PLEKHA3: variants seen among roughly 807,000 people sequenced by gnomAD.
The protein encoded by PLEKHA3 is pleckstrin homology domain-containing family A member 3.
A neutral mutation model predicts 39.2 loss-of-function variants in PLEKHA3; 19 were observed. The observed-to-expected ratio is 0.48, with a 90% CI of 0.34 to 0.71. The LOEUF is 0.71. PLEKHA3 is among the 30% of genes least tolerant of loss of function. The probability of loss-of-function intolerance (pLI) is 0.01; values close to 1 mark genes in which losing one functional copy is unlikely to be tolerated. For missense variants in PLEKHA3, 253 were observed against 359.5 expected (o/e 0.70, Z 2.40); for synonymous variants, 97 against 118.6 (o/e 0.82, Z 1.18).
chr2:178,484,859 T>C lies in PLEKHA3; in HGVS notation c.41-782T>C, dbSNP rs146117490. On this transcript the variant is annotated intron_variant, in intron 1 of 7. Transcript: ENST00000234453. ...ATCATCCTTGTCGTCAGCTTTGGCA[T>C]GGAGCCAAGTCTGTGATAGATGTGA... is the stretch of plus-strand genomic sequence containing the variant. Among the ~76,000 whole-genome samples, 759 of 152,354 alleles carry C rather than the reference T, an allele frequency of 5.0e-3. 5 individuals carry two copies. The highest frequency in any genetic ancestry group is 7.6e-3 in the Non-Finnish European group (515 of 68,024).
chr2:178,499,018 G>C (rs957978366), intron 5 of PLEKHA3, among the ~76,000 whole-genome samples, 193 bp from the exon 6 acceptor site: 1 of 151,908 alleles, frequency 6.6e-6, no homozygotes, highest in East Asian at 1.9e-4. Flanking sequence ...TCCAATTAAT[G>C]GTTATTAGGG....
chr2:178,500,169 G>A (rs1306612505), intron 6 of PLEKHA3, among the ~76,000 whole-genome samples: 2 of 152,070 alleles, frequency 1.3e-5, no homozygotes, highest in African/African-American at 4.8e-5. Flanking sequence ...TCTTTGGAAA[G>A]TGATTTAATT....
chr2:178,489,964 A>G (rs544429141), intron 2 of PLEKHA3, among the ~76,000 whole-genome samples: 2 of 152,144 alleles, frequency 1.3e-5, no homozygotes, highest in Non-Finnish European at 2.9e-5. Context: ...CTTCTCTTCT[A>G]CTAGCACTGC....
At chr2:178,499,802 G>A (rs1331949500) in intron 6 of PLEKHA3, among the ~76,000 whole-genome samples, 1 of 152,150 alleles carries the variant, frequency 6.6e-6, no homozygotes, top group Non-Finnish European at 1.5e-5. Context: ...TTTGCACAGT[G>A]ACAGAATCAC....
rs986567025 is a variant in PLEKHA3 at position 178,493,955 on chromosome 2, A to G, written c.416A>G (p.His139Arg). The G allele has an allele frequency of 3.1e-6, 5 of 1,613,974 alleles. No individual in the cohort carries two copies. In the African/African-American group the frequency reaches 5.3e-5, roughly 17 times the overall value. Residue 139 changes from histidine to arginine, a missense_variant, in exon 4 of 8, where the codon CAC (histidine) becomes CGC (arginine). Transcript: ENST00000234453. ...QQVHTIQEFV[H>R]HDENHSSPSA... ...GTTCATACAATACAGGAATTTGTTC[A>G]CCATGATGAGAATCATTCATCTCCT...
rs1685650419 is a variant in PLEKHA3, at chr2:178,509,493, T to C, written c.*5606T>C. 1 of 151,844 alleles carries C rather than the reference T, an allele frequency of 6.6e-6. No homozygotes were observed. The highest frequency in any genetic ancestry group is 2.1e-4 in the South Asian group (1 of 4,816). The allele number at this position is 151,844 out of a possible 1,614,324, so 9.4% of individuals were successfully genotyped here. A position where few individuals can be genotyped will look rare whatever the true frequency, so the allele number is the denominator to read the frequency against. ...ACTACTATCAGTTTTTTTTTTTTTT[T>C]CTGAGACAGGGTCTCACTCTTTCAC... On this transcript the variant is annotated 3_prime_UTR_variant, in exon 8 of 8. Coordinates refer to ENST00000234453, the MANE Select transcript of PLEKHA3 (RefSeq NM_019091.4).
intron 3 of PLEKHA3, among the ~76,000 whole-genome samples, chr2:178,493,146 T>TC (rs1559384141): frequency 6.6e-6 from 1 of 152,202 alleles, no homozygotes; most frequent in Non-Finnish European, 1.5e-5. Context: ...AGCTTATACT[T>TC]CTAGTTTAAA....
Position 178,511,219 on chromosome 2 carries a change from T to C in PLEKHA3, c.*7332T>C, listed in dbSNP as rs1181440990. The C allele has an allele frequency of 6.6e-6, 1 of 152,182 alleles. No individual in the cohort carries two copies. Among genetic ancestry groups the C allele is most frequent in the Non-Finnish European group, 1.5e-5 (1 of 68,030 alleles). 9.4% of individuals were successfully genotyped at this position (152,182 alleles called of 1,614,324 possible). On this transcript the variant is annotated 3_prime_UTR_variant, in exon 8 of 8. Transcript: ENST00000234453. ...AGTAGAGTCCCATGGGCGTGGCAAA[T>C]GGCTGTAAATAAAGTAAAAGTGGCT...
In PLEKHA3 at chr2:178,511,165, G is replaced by T. The variant is rs1287363436; in HGVS notation, c.*7278G>T. ...ACTCGAAGGAGGGAGATTTTTATTTGTAAGGACATTTGTATTATCTTTCAT... is the reference window on the plus strand; with the variant it reads ...ACTCGAAGGAGGGAGATTTTTATTTTTAAGGACATTTGTATTATCTTTCAT... On this transcript the variant is annotated 3_prime_UTR_variant, in exon 8 of 8. Coordinates refer to ENST00000234453, the MANE Select transcript of PLEKHA3 (RefSeq NM_019091.4). 1 of 152,154 alleles carries T rather than the reference G, an allele frequency of 6.6e-6. No individual in the cohort carries two copies. The highest frequency in any genetic ancestry group is 2.4e-5 in the African/African-American group (1 of 41,434). 9.4% of individuals were successfully genotyped at this position (152,154 alleles called of 1,614,324 possible).
At chr2:178,495,904 G>A (rs776861323) in intron 5 of PLEKHA3, among the ~76,000 whole-genome samples, 16 of 152,124 alleles carry the variant, frequency 1.1e-4, no homozygotes, top group Non-Finnish European at 2.1e-4. Flanking sequence ...CCCACAGGCT[G>A]CTTCATCCAT....
At chr2:178,487,071 G>A (rs931719549) in intron 2 of PLEKHA3, among the ~76,000 whole-genome samples, 1 of 152,218 alleles carries the variant, frequency 6.6e-6, no homozygotes, top group South Asian at 2.1e-4. Flanking sequence ...GGAAAAGTGG[G>A]AATTTATAGC....
In PLEKHA3 at chr2:178,507,537, C is replaced by G. The variant is rs1685622312; in HGVS notation, c.*3650C>G. On this transcript the variant is annotated 3_prime_UTR_variant, in exon 8 of 8. Transcript: ENST00000234453. ...AAAGTTTTTAAAAATATTTTGTCAT[C>G]CTTTAGGGACATTTCTTCCACAGTC... is the stretch of plus-strand genomic sequence containing the variant. The G allele has an allele frequency of 6.6e-6, 1 of 151,958 alleles. No homozygotes were observed. The highest frequency in any genetic ancestry group is 1.5e-5 in the Non-Finnish European group (1 of 67,954). 9.4% of individuals were successfully genotyped at this position (151,958 alleles called of 1,614,324 possible).
At position 178,506,142 on chromosome 2, in the gene PLEKHA3, G is replaced by A. The variant is rs759375677; in HGVS notation, c.*2255G>A. 2 of 152,010 alleles carry A rather than the reference G, an allele frequency of 1.3e-5. No individual in the cohort carries two copies. The highest frequency in any genetic ancestry group is 1.5e-5 in the Non-Finnish European group (1 of 67,990). 9.4% of individuals were successfully genotyped at this position (152,010 alleles called of 1,614,324 possible). ...TGTAAGAATTTTAGCTTGTCAAGTTGTTCTATACTTTATAGAAAAATTATT... is the reference window on the plus strand; with the variant it reads ...TGTAAGAATTTTAGCTTGTCAAGTTATTCTATACTTTATAGAAAAATTATT... On this transcript the variant is annotated 3_prime_UTR_variant, in exon 8 of 8. Transcript: ENST00000234453.
rs1020440331 is a variant in PLEKHA3 at position 178,511,484 on chromosome 2, G to T, written c.*7597G>T. 3 of 151,070 alleles carry T rather than the reference G, an allele frequency of 2.0e-5. No individual in the cohort carries two copies. Among genetic ancestry groups the T allele is most frequent in the African/African-American group, 7.3e-5 (3 of 41,004 alleles). The allele number at this position is 151,070 out of a possible 1,614,324, so 9.4% of individuals were successfully genotyped here. A position where few individuals can be genotyped will look rare whatever the true frequency, so the allele number is the denominator to read the frequency against. On this transcript the variant is annotated 3_prime_UTR_variant, in exon 8 of 8. Coordinates refer to ENST00000234453, the MANE Select transcript of PLEKHA3 (RefSeq NM_019091.4). Reference sequence around the variant, plus strand: ...CACCTCCGGGGCTCAAGCAATTCTCGTGACTCAACATCCCAAATAGCTGGG... The same window carrying T: ...CACCTCCGGGGCTCAAGCAATTCTCTTGACTCAACATCCCAAATAGCTGGG...
intron 3 of PLEKHA3, among the ~76,000 whole-genome samples, chr2:178,491,813 G>A (rs56706093): frequency 0.049 from 7,499 of 152,154 alleles, 584 homozygotes; most frequent in African/African-American, 0.17. Context: ...TATCTAGTTG[G>A]CTTCTGGTGA....
rs771118694 is a variant in PLEKHA3, at chr2:178,511,600, A to C, written c.*7713A>C. On this transcript the variant is annotated 3_prime_UTR_variant, in exon 8 of 8. Transcript: ENST00000234453. ...TGGCCAGGGTGGTCTCAAACTCCTA[A>C]GCTCAGGAGATCCGCCTGCCTCAGC... is the stretch of plus-strand genomic sequence containing the variant. 7.2e-5 allele frequency: 11 copies of C among 152,156 alleles called. No homozygotes were observed. Among genetic ancestry groups the C allele is most frequent in the Non-Finnish European group, 8.8e-5 (6 of 68,060 alleles). 9.4% of individuals were successfully genotyped at this position (152,156 alleles called of 1,614,324 possible).
At chr2:178,481,689 G>T (rs143292419) in intron 1 of PLEKHA3, among the ~76,000 whole-genome samples, 1 of 152,158 alleles carries the variant, frequency 6.6e-6, no homozygotes, top group Non-Finnish European at 1.5e-5. Flanking sequence ...AACCAACAAT[G>T]AAGGCAAGTC....
intron 6 of PLEKHA3, among the ~76,000 whole-genome samples, chr2:178,500,023 T>C (rs994796263): frequency 2.0e-5 from 3 of 152,178 alleles, no homozygotes; most frequent in Admixed American, 6.5e-5. Context: ...AACCACTTGA[T>C]ATTTTAAAGT....
intron 5 of PLEKHA3, 112 bp downstream of exon 5, chr2:178,495,772 A>T: frequency 8.5e-7 from 1 of 1,174,312 alleles, no homozygotes; most frequent in Non-Finnish European, 1.2e-6. Context: ...GGGGCGGGGA[A>T]CAGCTAACAA....
Sources: allele counts gnomAD v4.1 joint callset (sites outside exome capture counted in the v4.1 genomes callset), GRCh38; gene constraint gnomAD v4.1.1; transcripts MANE v1.5; gene names NCBI Gene and HGNC (gene_info 2026-07-23, HGNC 2026-07-21).